Variants in NTM observed in about 807,000 individuals in gnomAD.
NTM encodes the protein IgLON family member 2.
Under a neutral mutation model 42.1 loss-of-function variants are expected in NTM, and 13 were observed. The observed-to-expected ratio is 0.31, with a 90% CI of 0.20 to 0.49. The LOEUF is 0.49. Ranked by LOEUF, NTM falls within the 20% of genes least tolerant of loss-of-function variation. NTM has a pLI of 0.99. For synonymous variants in NTM, 187 were observed against 179.2 expected (o/e 1.04, Z -0.35); for missense variants, 373 against 452.8 (o/e 0.82, Z 1.60).
At chr11:131,648,090 T>C (rs903705279) in intron 1 of NTM, among the ~76,000 whole-genome samples, 5 of 152,204 alleles carry the variant, frequency 3.3e-5, no homozygotes, top group African/African-American at 1.2e-4. Context: ...CTCCCACTTA[T>C]AAGTGAGAGC....
chr11:131,997,972 C>T (rs1048797051), intron 2 of NTM, among the ~76,000 whole-genome samples: 3 of 152,048 alleles, frequency 2.0e-5, no homozygotes, highest in African/African-American at 4.8e-5. Context: ...TTCCGCCCCT[C>T]CCCTCACTCC....
chr11:132,167,047 C>G lies in NTM; in HGVS notation c.400+20533C>G, dbSNP rs571196304. ...TTCCATCATGGCATATTTTTTTATTCTACTTAAAAAAGATACACTTTATTC... is the reference window on the plus strand; with the variant it reads ...TTCCATCATGGCATATTTTTTTATTGTACTTAAAAAAGATACACTTTATTC... On this transcript the variant is annotated intron_variant, in intron 3 of 8. Transcript: ENST00000683400. Among the ~76,000 whole-genome samples the G allele has an allele frequency of 2.6e-5, 4 of 152,230 alleles. No homozygotes were observed. In the South Asian group the frequency reaches 8.3e-4, roughly 32 times the overall value.
chr11:132,205,239 G>A (rs1300586552), intron 3 of NTM, among the ~76,000 whole-genome samples: 1 of 152,102 alleles, frequency 6.6e-6, no homozygotes, highest in Non-Finnish European at 1.5e-5. Context: ...CAGTTACCTG[G>A]TCCAAGTGGC....
intron 2 of NTM, among the ~76,000 whole-genome samples, chr11:132,015,882 C>G (rs115467048): frequency 6.6e-6 from 1 of 151,744 alleles, no homozygotes; most frequent in African/African-American, 2.4e-5. Flanking sequence ...GTTTGACTTC[C>G]TCCATTCCAA....
chr11:131,944,499 G>A (rs1292729783), intron 2 of NTM, among the ~76,000 whole-genome samples: 2 of 152,194 alleles, frequency 1.3e-5, no homozygotes, highest in African/African-American at 2.4e-5. Context: ...AATGATATCA[G>A]CATGTAATCT....
At chr11:131,451,748 G>A (rs1051937858) in intron 1 of NTM, among the ~76,000 whole-genome samples, 9 of 152,266 alleles carry the variant, frequency 5.9e-5, no homozygotes, top group African/African-American at 1.9e-4. Flanking sequence ...TAGTGCTGGT[G>A]TGTGATCTGG....
intron 1 of NTM, among the ~76,000 whole-genome samples, chr11:131,726,346 G>A (rs1004008132): frequency 2.1e-5 from 3 of 144,902 alleles, no homozygotes; most frequent in Non-Finnish European, 2.9e-5. Context: ...GTCAGTGTCT[G>A]TCCTTGGTTC....
chr11:131,761,890 GCT>G lies in NTM; in HGVS notation c.83-149667_83-149666del, dbSNP rs369909293. 2.5e-4 allele frequency among the ~76,000 whole-genome samples: 38 copies of G among 150,832 alleles called. No homozygotes were observed. In the East Asian group the frequency reaches 4.8e-3, roughly 19 times the overall value. On this transcript the variant is annotated intron_variant, in intron 1 of 8. Transcript: ENST00000683400. ...AATGCAGAGGAGGAAGAGCGCGCAT[GCT>G]CTCTCTGTCTCCTCTCTCTGTCTCT...
At chr11:131,564,762 T>C (rs1021746597) in intron 1 of NTM, among the ~76,000 whole-genome samples, 6 of 152,342 alleles carry the variant, frequency 3.9e-5, no homozygotes, top group Middle Eastern at 3.4e-3. Flanking sequence ...GTGACTTTAA[T>C]ATTCATTTTC....
At chr11:131,706,270 A>G (rs1335928280) in intron 1 of NTM, among the ~76,000 whole-genome samples, 1 of 152,040 alleles carries the variant, frequency 6.6e-6, no homozygotes, top group Middle Eastern at 3.2e-3. Flanking sequence ...AAAGGGATCA[A>G]TTCATGAAGA....
chr11:131,430,616 C>T (rs1030184574), intron 1 of NTM, among the ~76,000 whole-genome samples: 2 of 152,188 alleles, frequency 1.3e-5, no homozygotes, highest in African/African-American at 2.4e-5. Context: ...ACTGATTACA[C>T]AAAGGGAAGA....
chr11:131,614,403 C>T lies in NTM; in HGVS notation c.82+243515C>T, dbSNP rs544044453. On this transcript the variant is annotated intron_variant, in intron 1 of 8. Coordinates refer to ENST00000683400, the MANE Select transcript of NTM (RefSeq NM_001352005.2). ...TCTGTTATTAGCAATTACAGCTCTA[C>T]GAAGGAAAATAAACACTTTCCCCAA... Among the ~76,000 whole-genome samples, 10 of 152,308 alleles carry T rather than the reference C, an allele frequency of 6.6e-5. No homozygotes were observed. The South Asian group carries it at 1.2e-3, about 19-fold the overall frequency.
intron 4 of NTM, among the ~76,000 whole-genome samples, chr11:132,223,756 C>T (rs1212946827): frequency 2.0e-5 from 3 of 152,210 alleles, no homozygotes; most frequent in African/African-American, 4.8e-5. Context: ...GCTGGAAAGA[C>T]ATGAGTTTCG....
At position 131,649,402 on chromosome 11, in the gene NTM, A is replaced by C. The variant is rs543518069; in HGVS notation, c.83-262162A>C. Among the ~76,000 whole-genome samples, 3 of 152,324 alleles carry C rather than the reference A, an allele frequency of 2.0e-5. No individual in the cohort carries two copies. The South Asian group carries it at 6.2e-4, about 32-fold the overall frequency. ...ATGGGAATAAGTATTGAACGGGATAAAAAGTGGTCTGAACGTTCCCAAGGC... is the reference window on the plus strand; with the variant it reads ...ATGGGAATAAGTATTGAACGGGATACAAAGTGGTCTGAACGTTCCCAAGGC... On this transcript the variant is annotated intron_variant, in intron 1 of 8. Coordinates refer to ENST00000683400, the MANE Select transcript of NTM (RefSeq NM_001352005.2).
intron 2 of NTM, among the ~76,000 whole-genome samples, chr11:131,916,322 C>A (rs903165698): frequency 6.6e-6 from 1 of 152,184 alleles, no homozygotes; most frequent in Admixed American, 6.5e-5. Context: ...ATGCTTTCCA[C>A]ATTTCAGAGA....
intron 1 of NTM, among the ~76,000 whole-genome samples, chr11:131,403,713 TC>T (rs1485773587): frequency 6.6e-6 from 1 of 152,182 alleles, no homozygotes; most frequent in African/African-American, 2.4e-5. Context: ...TTTATAATCT[TC>T]CAAAAATCTC....
intron 1 of NTM, among the ~76,000 whole-genome samples, chr11:131,448,867 T>C (rs551266616): frequency 1.3e-5 from 2 of 151,566 alleles, no homozygotes; most frequent in East Asian, 3.9e-4. Context: ...TGTAATAGAG[T>C]GGGAGGAATG....
intron 2 of NTM, among the ~76,000 whole-genome samples, chr11:131,983,090 C>T (rs189062339): frequency 6.6e-6 from 1 of 151,230 alleles, no homozygotes; most frequent in East Asian, 1.9e-4. Context: ...TGGAAGAACA[C>T]CCATTGTCTA....
intron 1 of NTM, among the ~76,000 whole-genome samples, chr11:131,907,197 G>A (rs561089435): frequency 1.7e-4 from 26 of 152,274 alleles, no homozygotes; most frequent in African/African-American, 4.6e-4. Context: ...TCCTCTTTTC[G>A]TCTCTTGTGT....
Sources: allele counts gnomAD v4.1 joint callset (sites outside exome capture counted in the v4.1 genomes callset), GRCh38; gene constraint gnomAD v4.1.1; transcripts MANE v1.5; gene names NCBI Gene and HGNC (gene_info 2026-07-23, HGNC 2026-07-21).